The following HYCC2 variants were observed in gnomAD, a reference collection of about 807,000 sequenced individuals.
HYCC2 encodes hyccin 2.
At chr2:201,049,589 G>A in the HYCC2 span, among the ~76,000 whole-genome samples, 11 of 151,268 alleles carry the variant, frequency 7.3e-5, no homozygotes, top group South Asian at 2.1e-4. Context: ...CTCTGACCTC[G>A]TGATCCACCC....
chr2:201,043,610 G>A, the HYCC2 span, among the ~76,000 whole-genome samples: 13 of 150,750 alleles, frequency 8.6e-5, no homozygotes, highest in East Asian at 5.8e-4. Context: ...CCAGGTTCAC[G>A]CCATTCTCCT....
the HYCC2 span, among the ~76,000 whole-genome samples, chr2:201,070,968 C>T: frequency 1.3e-5 from 2 of 152,156 alleles, no homozygotes; most frequent in African/African-American, 2.4e-5. Context: ...ACTCTATCCT[C>T]CATGCTACCA....
At chr2:201,070,732 T>TG in the HYCC2 span, among the ~76,000 whole-genome samples, 1 of 152,090 alleles carries the variant, frequency 6.6e-6, no homozygotes, top group Admixed American at 6.6e-5. Context: ...CACAATATCC[T>TG]GGGGGGAGGA....
chr2:201,044,194 T>C, the HYCC2 span, among the ~76,000 whole-genome samples: 1 of 152,242 alleles, frequency 6.6e-6, no homozygotes, highest in African/African-American at 2.4e-5. Context: ...ACAAAGAGGC[T>C]ATCACAGAAA....
chr2:200,997,414 T>C, the HYCC2 span: 1 of 1,382,556 alleles, frequency 7.2e-7, no homozygotes, highest in Non-Finnish European at 1.0e-6. Flanking sequence ...ATCAAATAAA[T>C]ATGAAGATTA....
At chr2:200,985,255 T>C in the HYCC2 span, among the ~76,000 whole-genome samples, 20 of 152,358 alleles carry the variant, frequency 1.3e-4, no homozygotes, top group African/African-American at 4.8e-4. Context: ...TTTTTTTTAT[T>C]CCTTTTTGTA....
At chr2:200,996,426 G>A in the HYCC2 span, 1 of 152,064 alleles carries the variant, frequency 6.6e-6, no homozygotes, top group African/African-American at 2.4e-5. Context: ...CCAGGAGTTT[G>A]TGACCTGCCT....
chr2:200,992,321 A>C, the HYCC2 span: 3 of 1,612,332 alleles, frequency 1.9e-6, no homozygotes, highest in African/African-American at 4.0e-5. Context: ...GGCTCTATAA[A>C]TGATATCATC....
At chr2:201,002,837 G>C in the HYCC2 span, among the ~76,000 whole-genome samples, 1 of 152,010 alleles carries the variant, frequency 6.6e-6, no homozygotes, top group South Asian at 2.1e-4. Flanking sequence ...ATATTATTTA[G>C]CGTAACAATT....
the HYCC2 span, chr2:201,009,230 A>G: frequency 2.1e-6 from 1 of 486,190 alleles, no homozygotes; most frequent in East Asian, 3.1e-5. Flanking sequence ...AAAGGTTCAG[A>G]ATCTTTCAAC....
the HYCC2 span, among the ~76,000 whole-genome samples, chr2:201,042,636 G>A: frequency 6.7e-6 from 1 of 148,778 alleles, no homozygotes; most frequent in Non-Finnish European, 1.5e-5. Context: ...CCCTCCGCCT[G>A]GCAGCCGCCC....
the HYCC2 span, among the ~76,000 whole-genome samples, chr2:201,004,056 TCCACCCG>T: frequency 6.6e-6 from 1 of 152,046 alleles, no homozygotes; most frequent in Non-Finnish European, 1.5e-5. Context: ...CCTCAGGTGA[TCCACCCG>T]CCTCAGCCTC....
At chr2:201,011,596 TAAAA>T in the HYCC2 span, 3 of 534,450 alleles carry the variant, frequency 5.6e-6, no homozygotes, top group Non-Finnish European at 9.6e-6. Context: ...CAGTAATGTA[TAAAA>T]ACATTACCAC....
At chr2:200,981,056 C>A in the HYCC2 span, 184 of 614,088 alleles carry the variant, frequency 3.0e-4, no homozygotes, top group Non-Finnish European at 4.2e-4. The surrounding 1 kb of genome is among the most constrained non-coding windows in gnomAD (Gnocchi z 4.5). Context: ...TTCACAAACA[C>A]ATTTACAAGG....
chr2:201,016,888 A>G, the HYCC2 span: 2 of 1,180,630 alleles, frequency 1.7e-6, no homozygotes, highest in Admixed American at 4.3e-5. Flanking sequence ...GGCATGAGCC[A>G]CTGCGCCTGG....
At chr2:201,009,900 A>G in the HYCC2 span, among the ~76,000 whole-genome samples, 3 of 151,864 alleles carry the variant, frequency 2.0e-5, no homozygotes, top group East Asian at 5.9e-4. Context: ...TCAGGATATC[A>G]AGACCATCCT....
the HYCC2 span, among the ~76,000 whole-genome samples, chr2:200,984,258 T>A: frequency 6.6e-6 from 1 of 152,292 alleles, no homozygotes; most frequent in East Asian, 1.9e-4. Flanking sequence ...CAGGCTGGTG[T>A]CAAACTCCTG....
chr2:201,062,038 G>A, the HYCC2 span, among the ~76,000 whole-genome samples: 3 of 152,056 alleles, frequency 2.0e-5, no homozygotes, highest in African/African-American at 2.4e-5. Flanking sequence ...CTGGGAGGTC[G>A]AGGCTGCAGT....
chr2:201,036,240 G>A, the HYCC2 span, among the ~76,000 whole-genome samples: 2 of 152,150 alleles, frequency 1.3e-5, no homozygotes, highest in Admixed American at 6.5e-5. Context: ...CTGAAATTGA[G>A]GCAATAATTA....
Sources: gnomAD v4.1 joint callset for allele counts (sites outside exome capture counted in the v4.1 genomes callset) on GRCh38, gnomAD v4.1.1 for gene constraint, Gnocchi (gnomAD v3.1) non-coding constraint, MANE v1.5 for transcripts, NCBI Gene and HGNC (gene_info 2026-07-23, HGNC 2026-07-21) for gene names.